The following EYS variants were observed in gnomAD, a reference collection of about 807,000 sequenced individuals.
The protein encoded by EYS is protein eyes shut homolog.
A neutral mutation model predicts 282.1 loss-of-function variants in EYS; 250 were observed. The ratio of observed to expected loss-of-function variants is 0.89; its 90% confidence interval spans 0.80 to 0.98. EYS has a LOEUF of 0.98. Ranked by LOEUF, EYS falls within the 50% of genes least tolerant of loss-of-function variation. The probability of loss-of-function intolerance (pLI) is 0.00; values close to 1 mark genes in which losing one functional copy is unlikely to be tolerated. For synonymous variants in EYS, 1,355 were observed against 1,282.9 expected (o/e 1.06, Z -1.20); for missense variants, 4,016 against 3,709.0 (o/e 1.08, Z -2.15).
chr6:64,039,169 G>A (rs1161058251), intron 33 of EYS, among the ~76,000 whole-genome samples: 1 of 152,092 alleles, frequency 6.6e-6, no homozygotes, highest in Non-Finnish European at 1.5e-5. Flanking sequence ...GACAAATGTA[G>A]AAATCAATAT....
At position 64,086,282 on chromosome 6, in the gene EYS, C is replaced by A. The variant is rs183194855; in HGVS notation, c.6425-4280G>T. Reference sequence around the variant, plus strand: ...TTGTCTTTCCTTCTGCTACCACAACCCTTTAAGTTCTCATTGTTTCAACTG... The same window carrying A: ...TTGTCTTTCCTTCTGCTACCACAACACTTTAAGTTCTCATTGTTTCAACTG... On this transcript the variant is annotated intron_variant, in intron 31 of 42. Transcript: ENST00000503581. Among the ~76,000 whole-genome samples, 251 of 152,278 alleles carry A rather than the reference C, an allele frequency of 1.6e-3. 2 individuals are homozygous for A. Among genetic ancestry groups the A allele is most frequent in the Non-Finnish European group, 2.8e-3 (192 of 68,016 alleles).
intron 13 of EYS, among the ~76,000 whole-genome samples, chr6:64,999,838 G>T (rs1464778615): frequency 6.6e-6 from 1 of 152,084 alleles, no homozygotes; most frequent in African/African-American, 2.4e-5. Flanking sequence ...AGCCCAGGAC[G>T]CCGAGCACCC....
intron 13 of EYS, among the ~76,000 whole-genome samples, chr6:65,000,018 G>A (rs1290085589): frequency 6.6e-6 from 1 of 152,210 alleles, no homozygotes; most frequent in Non-Finnish European, 1.5e-5. Flanking sequence ...ACAAAGTAGA[G>A]GGTCTAATTG....
chr6:64,297,977 CAAAAAAA>C (rs34562408), intron 30 of EYS, among the ~76,000 whole-genome samples: 8 of 96,456 alleles, frequency 8.3e-5, no homozygotes, highest in East Asian at 3.0e-4. Context: ...GATTCTGTCT[CAAAAAAA>C]AAAAAAAAAA....
intron 30 of EYS, among the ~76,000 whole-genome samples, chr6:64,282,168 T>G (rs1487042663): frequency 1.3e-5 from 2 of 152,154 alleles, no homozygotes; most frequent in African/African-American, 4.8e-5. Flanking sequence ...TTTATTTTAA[T>G]TAGCCAGTAG....
At chr6:65,267,810 G>T (rs1308733478) in intron 12 of EYS, among the ~76,000 whole-genome samples, 1 of 151,900 alleles carries the variant, frequency 6.6e-6, no homozygotes, top group Non-Finnish European at 1.5e-5. Flanking sequence ...TCTGTTTCCT[G>T]CAAAGTATGA....
intron 18 of EYS, among the ~76,000 whole-genome samples, chr6:64,888,644 C>G (rs969244309): frequency 2.6e-5 from 4 of 151,862 alleles, no homozygotes; most frequent in African/African-American, 4.8e-5. Context: ...TAACACTAAT[C>G]CAAATACTAA....
At chr6:64,484,022 C>T (rs1003398927) in intron 26 of EYS, among the ~76,000 whole-genome samples, 6 of 151,524 alleles carry the variant, frequency 4.0e-5, no homozygotes, top group Non-Finnish European at 5.9e-5. Flanking sequence ...TCTTGGCAGT[C>T]GGCAGAGGCT....
chr6:64,222,705 T>C (rs1278911650), intron 31 of EYS, among the ~76,000 whole-genome samples: 1 of 152,060 alleles, frequency 6.6e-6, no homozygotes, highest in East Asian at 1.9e-4. Flanking sequence ...AAATGTGTTC[T>C]CCTATGGAAA....
intron 37 of EYS, among the ~76,000 whole-genome samples, chr6:63,799,244 C>T (rs1328090217): frequency 1.3e-5 from 2 of 151,626 alleles, no homozygotes; most frequent in African/African-American, 2.4e-5. Flanking sequence ...GAACTCCTGA[C>T]CTCGGGTGAT....
At chr6:65,123,698 T>C (rs948598406) in intron 12 of EYS, among the ~76,000 whole-genome samples, 2 of 151,984 alleles carry the variant, frequency 1.3e-5, no homozygotes, top group African/African-American at 4.8e-5. Context: ...AAACTTCCAA[T>C]TGGTGGCTAT....
At chr6:65,647,118 C>T (rs1360015540) in intron 1 of EYS, among the ~76,000 whole-genome samples, 1 of 152,050 alleles carries the variant, frequency 6.6e-6, no homozygotes, top group African/African-American at 2.4e-5. Context: ...AAATGCAATG[C>T]TCATTAAAAT....
intron 31 of EYS, among the ~76,000 whole-genome samples, chr6:64,136,081 A>G (rs1774151173): frequency 6.6e-6 from 1 of 151,298 alleles, no homozygotes; most frequent in Admixed American, 6.6e-5. Context: ...TGTATATTCT[A>G]TATTCATTGT....
chr6:64,641,915 A>G (rs115488934), intron 22 of EYS, among the ~76,000 whole-genome samples: 3,929 of 152,260 alleles, frequency 0.026, 190 homozygotes, highest in African/African-American at 0.09. Context: ...TTATCCCCAC[A>G]CAACTACTCC....
At chr6:64,694,557 A>C (rs1770510173) in intron 22 of EYS, among the ~76,000 whole-genome samples, 1 of 152,156 alleles carries the variant, frequency 6.6e-6, no homozygotes, top group South Asian at 2.1e-4. Context: ...CCACATGCCA[A>C]TAGAAGACCA....
intron 2 of EYS, among the ~76,000 whole-genome samples, chr6:65,569,445 C>G (rs1184244673): frequency 6.6e-6 from 1 of 152,160 alleles, no homozygotes; most frequent in African/African-American, 2.4e-5. Context: ...AAATCTTCTT[C>G]TTGCCTGGGG....
At chr6:65,452,253 T>G (rs1003231446) in intron 5 of EYS, among the ~76,000 whole-genome samples, 1 of 151,810 alleles carries the variant, frequency 6.6e-6, no homozygotes, top group Non-Finnish European at 1.5e-5. Flanking sequence ...TTTATCATTT[T>G]TATAGAAAAC....
chr6:63,740,483 G>C (rs1769047799), intron 41 of EYS, among the ~76,000 whole-genome samples: 1 of 152,138 alleles, frequency 6.6e-6, no homozygotes, highest in Non-Finnish European at 1.5e-5. Context: ...GCATGAAAAT[G>C]GACTAATACA....
At chr6:64,797,274 G>C (rs1388903048) in intron 22 of EYS, among the ~76,000 whole-genome samples, 2 of 151,704 alleles carry the variant, frequency 1.3e-5, no homozygotes, top group African/African-American at 4.8e-5. Context: ...TAAGGCAGAA[G>C]AATTAAACAT....
Sources: gnomAD v4.1 joint callset for allele counts (sites outside exome capture counted in the v4.1 genomes callset) on GRCh38, gnomAD v4.1.1 for gene constraint, MANE v1.5 for transcripts, NCBI Gene and HGNC (gene_info 2026-07-23, HGNC 2026-07-21) for gene names.